ARHGEF6: variants seen among roughly 807,000 people sequenced by gnomAD.
The protein encoded by ARHGEF6 is Rac/Cdc42 guanine nucleotide exchange factor 6, also known as rho guanine nucleotide exchange factor 6.
ARHGEF6 carries 9 observed loss-of-function variants against 70.3 expected under a neutral mutation model. The observed-to-expected ratio is 0.13, with a 90% CI of 0.08 to 0.22. The LOEUF (loss-of-function observed/expected upper bound fraction) is 0.22, where lower values mean the gene tolerates loss of function less well. ARHGEF6 is among the 10% of genes least tolerant of loss of function. The probability of loss-of-function intolerance (pLI) is 1.00; values close to 1 mark genes in which losing one functional copy is unlikely to be tolerated. For missense variants in ARHGEF6, 470 were observed against 563.0 expected (o/e 0.83, Z 1.67); for synonymous variants, 201 against 207.8 (o/e 0.97, Z 0.28).
chrX:136,706,883 A>G (rs1349264286), intron 9 of ARHGEF6, 25 bp downstream of exon 9: 1 of 1,211,229 alleles, frequency 8.3e-7, no homozygotes, highest in East Asian at 3.0e-5. Flanking sequence ...TCATTGCAAA[A>G]GTTGGGGAAA....
chrX:136,669,642 G>A, intron 20 of ARHGEF6, 106 bp from the exon 21 acceptor site: 2 of 675,398 alleles, frequency 3.0e-6, no homozygotes, highest in Non-Finnish European at 4.7e-6. Context: ...CTGAAAAACA[G>A]TGGACTTTCT....
At chrX:136,776,430 T>A (rs1380815131) in intron 2 of ARHGEF6, among the ~76,000 whole-genome samples, 1 of 110,777 alleles carries the variant, frequency 9.0e-6, no homozygotes, top group Non-Finnish European at 1.9e-5. Context: ...AACAAAAACA[T>A]AAACTGGGGA....
At chrX:136,766,295 A>AG (rs1267618630) in intron 2 of ARHGEF6, among the ~76,000 whole-genome samples, 4 of 62,042 alleles carry the variant, frequency 6.4e-5, no homozygotes, top group Non-Finnish European at 1.2e-4. Flanking sequence ...ATATAAGTTT[A>AG]AAAAAAAACA....
intron 2 of ARHGEF6, among the ~76,000 whole-genome samples, chrX:136,762,671 T>C (rs1171477493): frequency 9.0e-6 from 1 of 110,896 alleles, no homozygotes; most frequent in African/African-American, 3.3e-5. Context: ...TTTGTATTTT[T>C]AGTAGAGATG....
Position 136,688,010 on chromosome X carries a change from T to C in ARHGEF6, c.1186-19A>G. 1 of 1,162,483 alleles carries C rather than the reference T, an allele frequency of 8.6e-7. No homozygotes were observed. The highest frequency in any genetic ancestry group is 1.8e-5 in the African/African-American group (1 of 56,861). ...GAGTATCCTATCAAAGGAATACATT[T>C]GAAAACAATGTTAGAGGAGAGAGGA... On this transcript the variant is annotated intron_variant, in intron 10 of 21. Coordinates refer to ENST00000250617, the MANE Select transcript of ARHGEF6 (RefSeq NM_004840.3).
At chrX:136,729,614 G>A (rs945025025) in intron 6 of ARHGEF6, among the ~76,000 whole-genome samples, 1 of 108,084 alleles carries the variant, frequency 9.3e-6, no homozygotes, top group Admixed American at 9.9e-5. Context: ...GGCAGATAAC[G>A]AACTCAGGAG....
At chrX:136,774,320 TG>T (rs1352707670) in intron 2 of ARHGEF6, among the ~76,000 whole-genome samples, 6 of 56,840 alleles carry the variant, frequency 1.1e-4, no homozygotes, top group Non-Finnish European at 3.1e-4. Context: ...CAGAAATCAT[TG>T]GCAACTTCAC....
intron 5 of ARHGEF6, among the ~76,000 whole-genome samples, chrX:136,739,548 C>T (rs1384926150): frequency 1.8e-5 from 2 of 112,208 alleles, no homozygotes; most frequent in Non-Finnish European, 1.9e-5. Context: ...AAGTCTCTGC[C>T]CTTGTGGTAT....
At chrX:136,701,063 A>T (rs760079955) in intron 9 of ARHGEF6, among the ~76,000 whole-genome samples, 1 of 112,129 alleles carries the variant, frequency 8.9e-6, no homozygotes, top group Admixed American at 9.5e-5. Flanking sequence ...GTCAATAGAA[A>T]TTTCCTAAAC....
chrX:136,730,979 C>A (rs899121309), intron 6 of ARHGEF6, among the ~76,000 whole-genome samples: 2 of 111,250 alleles, frequency 1.8e-5, no homozygotes, highest in African/African-American at 6.5e-5. Context: ...CCACTACAAC[C>A]TTTCTTTAAA....
chrX:136,771,169 AAAGACAAATAAGTGGAAATACATCCCAT>A (rs2077360697), intron 2 of ARHGEF6, among the ~76,000 whole-genome samples: 2 of 112,434 alleles, frequency 1.8e-5, no homozygotes, highest in Admixed American at 1.9e-4. Flanking sequence ...GAATGAAACT[AAAGACAAATAAGTGGAAATACATCCCAT>A]AAGACAAATA....
intron 5 of ARHGEF6, among the ~76,000 whole-genome samples, chrX:136,734,990 T>A (rs954018790): frequency 1.8e-5 from 2 of 112,067 alleles, no homozygotes; most frequent in African/African-American, 6.5e-5. Flanking sequence ...TTCTTCAACT[T>A]AATAAAGTGC....
chrX:136,720,517 G>GA (rs949883030), intron 6 of ARHGEF6, among the ~76,000 whole-genome samples: 1 of 108,733 alleles, frequency 9.2e-6, no homozygotes, highest in African/African-American at 3.3e-5. Context: ...AAAAAAAAGG[G>GA]AAAAAAAAGC....
intron 9 of ARHGEF6, among the ~76,000 whole-genome samples, chrX:136,703,406 T>A (rs907556025): frequency 8.9e-6 from 1 of 112,687 alleles, no homozygotes; most frequent in Non-Finnish European, 1.9e-5. Flanking sequence ...TTTTACAAAT[T>A]GAAGTTTTGT....
chrX:136,715,522 G>A (rs1438241257), intron 6 of ARHGEF6, among the ~76,000 whole-genome samples: 1 of 110,836 alleles, frequency 9.0e-6, no homozygotes, highest in Admixed American at 9.7e-5. Context: ...AGAAAAGAGA[G>A]GTCACAGGGA....
At chrX:136,692,431 A>G (rs2076468744) in intron 9 of ARHGEF6, among the ~76,000 whole-genome samples, 1 of 111,283 alleles carries the variant, frequency 9.0e-6, no homozygotes, top group Non-Finnish European at 1.9e-5. Flanking sequence ...GTCTTGTTCC[A>G]GAAGTAGCCA....
At chrX:136,690,996 A>G (rs1232885149) in intron 9 of ARHGEF6, among the ~76,000 whole-genome samples, 1 of 110,380 alleles carries the variant, frequency 9.1e-6, no homozygotes, top group Non-Finnish European at 1.9e-5. Context: ...CACATTCAAC[A>G]ATTACTGATT....
At chrX:136,780,103 G>A (rs996785319) in intron 1 of ARHGEF6, among the ~76,000 whole-genome samples, 3 of 111,853 alleles carry the variant, frequency 2.7e-5, no homozygotes, top group Non-Finnish European at 3.8e-5. Context: ...ATCTATTCTC[G>A]TGATCGTGGA....
chrX:136,694,407 C>A, intron 9 of ARHGEF6, among the ~76,000 whole-genome samples: 1 of 112,022 alleles, frequency 8.9e-6, no homozygotes, highest in African/African-American at 3.3e-5. Context: ...TTCTCTGGCC[C>A]TTCAAAGACA....
Sources: gnomAD v4.1 joint callset for allele counts (sites outside exome capture counted in the v4.1 genomes callset) on GRCh38, gnomAD v4.1.1 for gene constraint, MANE v1.5 for transcripts, NCBI Gene and HGNC (gene_info 2026-07-23, HGNC 2026-07-21) for gene names.